Variants in FAM227A observed in about 807,000 individuals in gnomAD.
The protein encoded by FAM227A is family with sequence similarity 227 member A, also known as protein FAM227A.
FAM227A carries 80 observed loss-of-function variants against 74.7 expected under a neutral mutation model. The observed-to-expected ratio is 1.07, with a 90% confidence interval of 0.89 to 1.29. FAM227A has a LOEUF of 1.29. FAM227A is among the 50% of genes most tolerant of loss of function. FAM227A has a pLI of 0.00. For missense variants in FAM227A, 654 were observed against 683.4 expected (o/e 0.96, Z 0.48); for synonymous variants, 237 against 241.8 (o/e 0.98, Z 0.19).
rs1474522957 is a variant in FAM227A at position 38,607,400 on chromosome 22, T to C, written c.1115A>G (p.Asn372Ser). 6 of 1,550,696 alleles carry C rather than the reference T, an allele frequency of 3.9e-6. No individual in the cohort carries two copies. The highest frequency in any genetic ancestry group is 5.2e-6 in the Non-Finnish European group (6 of 1,146,266). The change falls in exon 12 of 17, where the codon AAT becomes AGT. Residue 372 changes from asparagine to serine, a missense_variant. By Grantham distance (46) the Asn-to-Ser change is conservative (BLOSUM62 1). Transcript: ENST00000535113. ...GGTAGTCAATATACCTTTTGCAGTA[T>C]TCTGCATTCGTAAGCTTTTTTCTGA... The part of the protein sequence containing the change: ...QNSEKSLRMQ[N>S]TAKEHHCQTL...
chr22:38,615,660 G>A (rs912920950), intron 11 of FAM227A, among the ~76,000 whole-genome samples: 1 of 152,210 alleles, frequency 6.6e-6, no homozygotes, highest in Non-Finnish European at 1.5e-5. Flanking sequence ...CAGTGGGGGG[G>A]CCTGATTCTG....
chr22:38,623,010 A>C (rs1313126012), intron 10 of FAM227A, among the ~76,000 whole-genome samples, 162 bp downstream of exon 10: 2 of 151,972 alleles, frequency 1.3e-5, no homozygotes, highest in Non-Finnish European at 2.9e-5. Context: ...TATGTTGTAC[A>C]CTACAGTCCA....
chr22:38,594,863 C>T (rs2091009816), intron 15 of FAM227A, among the ~76,000 whole-genome samples: 1 of 152,060 alleles, frequency 6.6e-6, no homozygotes, highest in Non-Finnish European at 1.5e-5. Context: ...CTTTGGGAGG[C>T]CGAGGGGGGT....
chr22:38,631,721 C>T (rs1569226242), intron 6 of FAM227A, among the ~76,000 whole-genome samples: 1 of 151,994 alleles, frequency 6.6e-6, no homozygotes, highest in South Asian at 2.1e-4. Flanking sequence ...GGCTATGAGG[C>T]GCCTGGTGCC....
intron 1 of FAM227A, among the ~76,000 whole-genome samples, chr22:38,654,589 T>G (rs2092363926): frequency 6.6e-6 from 1 of 150,934 alleles, no homozygotes; most frequent in Non-Finnish European, 1.5e-5. Flanking sequence ...GTGGGGATGA[T>G]GTCACTGCAC....
At chr22:38,589,041 C>G (rs1055659637) in intron 16 of FAM227A, among the ~76,000 whole-genome samples, 3 of 151,988 alleles carry the variant, frequency 2.0e-5, no homozygotes, top group African/African-American at 7.3e-5. Flanking sequence ...TGAATAAGAC[C>G]TTTTTTGGAA....
rs556992130 is a variant in FAM227A at position 38,597,019 on chromosome 22, T to A, written c.1532+185A>T. 2.6e-5 allele frequency among the ~76,000 whole-genome samples: 4 copies of A among 151,906 alleles called. No homozygotes were observed. In the South Asian group the frequency reaches 6.2e-4, roughly 24 times the overall value. Reference sequence around the variant, plus strand: ...TGTTTTTGTAGTTAGAAAAAAAAAATAACAACAAAAAAAGCTCTGGTCTCT... The same window carrying A: ...TGTTTTTGTAGTTAGAAAAAAAAAAAAACAACAAAAAAAGCTCTGGTCTCT... On this transcript the variant is annotated intron_variant, in intron 15 of 16. Transcript: ENST00000535113.
intron 11 of FAM227A, among the ~76,000 whole-genome samples, chr22:38,617,423 G>C (rs2091602148): frequency 1.3e-5 from 2 of 151,702 alleles, no homozygotes; most frequent in Admixed American, 1.3e-4. Flanking sequence ...AGTCTCCCGA[G>C]TAGCTGGGAC....
rs1044101787 is a variant in FAM227A at position 38,581,039 on chromosome 22, A to C, written c.*5086T>G. ...GGTGATCTGCCCACCTCGGCCTCCCAAAGTGCTGGGATTACAGGCGTGAGC... is the reference window on the plus strand; with the variant it reads ...GGTGATCTGCCCACCTCGGCCTCCCCAAGTGCTGGGATTACAGGCGTGAGC... On this transcript the variant is annotated 3_prime_UTR_variant, in exon 17 of 17. Transcript: ENST00000535113. 2.0e-5 allele frequency: 3 copies of C among 152,212 alleles called. No individual in the cohort carries two copies. Among genetic ancestry groups the C allele is most frequent in the Non-Finnish European group, 4.4e-5 (3 of 68,064 alleles). 9.4% of individuals were successfully genotyped at this position (152,212 alleles called of 1,614,324 possible).
intron 8 of FAM227A, among the ~76,000 whole-genome samples, chr22:38,627,021 T>C (rs896262501): frequency 3.4e-5 from 5 of 149,186 alleles, no homozygotes; most frequent in East Asian, 2.0e-4. Context: ...AGTTCAAGCC[T>C]AGGAATTTGA....
chr22:38,643,081 G>A (rs1306931970), intron 3 of FAM227A, among the ~76,000 whole-genome samples: 11 of 151,972 alleles, frequency 7.2e-5, no homozygotes, highest in Admixed American at 2.0e-4. Context: ...TTGGGAGGCC[G>A]AGGCGGGTGG....
chr22:38,601,599 G>A (rs1195124675), intron 13 of FAM227A, among the ~76,000 whole-genome samples: 1 of 152,164 alleles, frequency 6.6e-6, no homozygotes, highest in East Asian at 1.9e-4. Flanking sequence ...GAGGAGAAAT[G>A]ACTGTGAGGG....
chr22:38,651,245 C>G (rs2092317333), intron 1 of FAM227A, among the ~76,000 whole-genome samples: 1 of 152,166 alleles, frequency 6.6e-6, no homozygotes, highest in South Asian at 2.1e-4. Context: ...CTGCAAAGCC[C>G]AAGGTTCTGC....
At chr22:38,613,190 ATATATAT>A (rs1450512424) in intron 11 of FAM227A, among the ~76,000 whole-genome samples, 24 of 80,710 alleles carry the variant, frequency 3.0e-4, no homozygotes, top group African/African-American at 1.0e-3. Flanking sequence ...TATATAATAT[ATATATAT>A]TATATTATAT....
chr22:38,636,119 G>GAAAAGAA (rs71746223), intron 6 of FAM227A, among the ~76,000 whole-genome samples: 1 of 150,346 alleles, frequency 6.7e-6, no homozygotes, highest in Non-Finnish European at 1.5e-5. Flanking sequence ...GAAAAGAAAA[G>GAAAAGAA]AAAAAAGAGA....
intron 1 of FAM227A, chr22:38,653,708 C>T (rs1305595132): frequency 1.3e-5 from 2 of 152,238 alleles, no homozygotes; most frequent in Non-Finnish European, 2.9e-5. Flanking sequence ...AAACCATCCC[C>T]CCCATCCCAG....
Position 38,636,507 on chromosome 22 carries a change from A to C in FAM227A, c.463T>G (p.Phe155Val). Residue 155 changes from phenylalanine to valine, a missense_variant, in exon 6 of 17, where the codon TTC becomes GTC. Physicochemically the swap from Phe to Val is conservative, Grantham distance 50. Transcript: ENST00000535113. ...ACCACGTTGCCCACCATGTCACAGA[A>C]GTCCACGCCATTCGGAAGCTTGTTT... ...KPNKLPNGVD[F>V]CDMVGNVVRA... The C allele has an allele frequency of 6.4e-7, 1 of 1,551,660 alleles. No individual in the cohort carries two copies. Among genetic ancestry groups the C allele is most frequent in the Non-Finnish European group, 8.7e-7 (1 of 1,146,964 alleles).
chr22:38,635,608 C>T (rs2091988436), intron 6 of FAM227A, among the ~76,000 whole-genome samples: 1 of 152,148 alleles, frequency 6.6e-6, no homozygotes, highest in Non-Finnish European at 1.5e-5. Flanking sequence ...CCCAAGGAAC[C>T]CAGCATGCTC....
intron 15 of FAM227A, 97 bp downstream of exon 15, chr22:38,597,107 A>C (rs946485093): frequency 1.5e-4 from 168 of 1,151,286 alleles, no homozygotes; most frequent in Non-Finnish European, 1.9e-4. Flanking sequence ...GTTACAGGAA[A>C]CCCCCCTGCC....
Sources: gnomAD v4.1 joint callset for allele counts (sites outside exome capture counted in the v4.1 genomes callset) on GRCh38, gnomAD v4.1.1 for gene constraint, MANE v1.5 for transcripts, NCBI Gene and HGNC (gene_info 2026-07-23, HGNC 2026-07-21) for gene names.